The following MRNIP variants were observed in gnomAD, a reference collection of about 807,000 sequenced individuals.
MRNIP encodes MRN complex interacting protein.
A neutral mutation model predicts 29.8 loss-of-function variants in MRNIP; 30 were observed. That is an observed-to-expected ratio of 1.01 (90% confidence interval 0.75 to 1.36). The LOEUF is 1.36. Among genes scored for constraint, MRNIP ranks in the 40% most tolerant of loss-of-function variants. MRNIP has a pLI of 0.00. For missense variants in MRNIP, 459 were observed against 423.5 expected (o/e 1.08, Z -0.74); for synonymous variants, 201 against 164.1 (o/e 1.23, Z -1.72).
At position 179,858,784 on chromosome 5, in the gene MRNIP, G is replaced by C. The variant is rs765621883; in HGVS notation, c.13C>G (p.Gln5Glu). Reference sequence around the variant, plus strand: ...CAGCAGCGTAGCACCCGAGAACGCTGAAGCGACGCCATCCCTGCTTGTGCA... The same window carrying C: ...CAGCAGCGTAGCACCCGAGAACGCTCAAGCGACGCCATCCCTGCTTGTGCA... MASL[Q>E]RSRVLRCCSC... The change falls in exon 1 of 7, where the codon CAG (glutamine) becomes GAG (glutamate). Residue 5 changes from glutamine to glutamate, a missense_variant. Gln to Glu is a conservative substitution (Grantham distance 29). Transcript: ENST00000292586. 1 of 1,541,174 alleles carries C rather than the reference G, an allele frequency of 6.5e-7. No individual in the cohort carries two copies. Among genetic ancestry groups the C allele is most frequent in the Non-Finnish European group, 8.7e-7 (1 of 1,144,088 alleles).
At position 179,837,868 on chromosome 5, in the gene MRNIP, TG is replaced by T; in HGVS notation, c.554del (p.Thr185AsnfsTer4). The T allele has an allele frequency of 1.9e-6, 3 of 1,606,942 alleles. No individual in the cohort carries two copies. Among genetic ancestry groups the T allele is most frequent in the East Asian group, 2.2e-5 (1 of 44,874 alleles). On this transcript the variant is annotated frameshift_variant, in exon 7 of 7. Coordinates refer to ENST00000292586, the MANE Select transcript of MRNIP (RefSeq NM_016175.4). LOFTEE classifies it low-confidence loss of function (END_TRUNC). ...WGPQKGQAGL[T>X]WKVKQGSSPC... Reference sequence around the variant, plus strand: ...GGCTGCTGCCTTGTTTCACCTTCCATGTCAGGCCAGCCTGTCCCTGAAAGAG... The same window carrying T: ...GGCTGCTGCCTTGTTTCACCTTCCATTCAGGCCAGCCTGTCCCTGAAAGAG...
chr5:179,851,025 T>G, intron 2 of MRNIP: 1 of 350,042 alleles, frequency 2.9e-6, no homozygotes, highest in Non-Finnish European at 5.7e-6. Context: ...CTGCTGACCT[T>G]ATCATCTTCC....
rs1758854653 is a variant in MRNIP at position 179,840,935 on chromosome 5, C to T, written c.474G>A (p.Gln158=). 3.1e-6 allele frequency: 5 copies of T among 1,609,908 alleles called. No individual in the cohort carries two copies. Among genetic ancestry groups the T allele is most frequent in the South Asian group, 1.1e-5 (1 of 90,216 alleles). The change falls in exon 6 of 7, where the codon CAG becomes CAA. Residue 158 remains glutamine (Q), a synonymous_variant. Transcript: ENST00000292586. ...RKRKWSRSTV[Q]PPCSRGVQDS... ...CCTGCACGCCACGGCTGCACGGAGG[C>T]TGGACGGTGCTCCTGCTCCACTTCC...
At chr5:179,838,082 T>C in intron 6 of MRNIP, 197 bp from the exon 7 acceptor site, 2 of 598,866 alleles carry the variant, frequency 3.3e-6, no homozygotes, top group Non-Finnish European at 5.9e-6. Flanking sequence ...CCGCAAACCT[T>C]CTGCTAAATT....
At chr5:179,851,398 T>A (rs1489720537) in intron 2 of MRNIP, 1 of 455,998 alleles carries the variant, frequency 2.2e-6, no homozygotes, top group South Asian at 1.5e-5. Context: ...TTCTATGGAC[T>A]TGGAGCAGAG....
intron 1 of MRNIP, among the ~76,000 whole-genome samples, chr5:179,857,410 G>A (rs1359733189): frequency 6.6e-6 from 1 of 151,996 alleles, no homozygotes; most frequent in Non-Finnish European, 1.5e-5. Context: ...GCAGTGAGCC[G>A]AGATCACGCT....
chr5:179,855,866 CTG>C (rs1401893775), intron 1 of MRNIP, among the ~76,000 whole-genome samples: 1 of 150,328 alleles, frequency 6.7e-6, no homozygotes, highest in African/African-American at 2.5e-5. Context: ...ACCAATAAAA[CTG>C]TGGATTTTCT....
chr5:179,857,547 A>T (rs1364440821), intron 1 of MRNIP, among the ~76,000 whole-genome samples: 3 of 152,248 alleles, frequency 2.0e-5, no homozygotes, highest in East Asian at 1.9e-4. Flanking sequence ...GGAATAATTT[A>T]AAAATGCAAA....
chr5:179,858,005 C>T (rs997954328), intron 1 of MRNIP, among the ~76,000 whole-genome samples: 12 of 125,212 alleles, frequency 9.6e-5, no homozygotes, highest in East Asian at 4.7e-4. Flanking sequence ...GAGCGAAACT[C>T]CGTCTCAAAA....
Position 179,837,548 on chromosome 5 carries a change from A to G in MRNIP, c.875T>C (p.Val292Ala). 1 of 1,614,162 alleles carries G rather than the reference A, an allele frequency of 6.2e-7. No individual in the cohort carries two copies. The highest frequency in any genetic ancestry group is 8.5e-7 in the Non-Finnish European group (1 of 1,180,014). Reference sequence around the variant, plus strand: ...GCAAGGCCTCTCAGACCCAGATGTGACGGGGTGTGTGGCCCGAGGAAGCTG... The same window carrying G: ...GCAAGGCCTCTCAGACCCAGATGTGGCGGGGTGTGTGGCCCGAGGAAGCTG... The part of the protein sequence containing the change: ...AVQLPRATHP[V>A]TSGSERPCGK... Residue 292 changes from valine (V) to alanine (A), a missense_variant, in exon 7 of 7, where the codon GTC becomes GCC. Physicochemically the swap from Val to Ala is moderately conservative, Grantham distance 64. Coordinates refer to ENST00000292586, the MANE Select transcript of MRNIP (RefSeq NM_016175.4).
At chr5:179,840,787 A>G (rs1246094234) in intron 6 of MRNIP, 85 bp downstream of exon 6, 2 of 1,045,184 alleles carry the variant, frequency 1.9e-6, no homozygotes, top group East Asian at 2.6e-5. Flanking sequence ...GGAATCGCAC[A>G]CTTCGTCAAC....
chr5:179,842,661 T>C (rs1465701969), intron 4 of MRNIP, among the ~76,000 whole-genome samples: 32 of 118,930 alleles, frequency 2.7e-4, no homozygotes, highest in South Asian at 5.5e-4. Context: ...GATGGTGCCA[T>C]TACACTCCAG....
chr5:179,851,081 C>T lies in MRNIP; in HGVS notation c.126+2297G>A, dbSNP rs78310913. On this transcript the variant is annotated intron_variant, in intron 2 of 6. Transcript: ENST00000292586. ...GAGAAACGTCTATTGTATTAAGCCA[C>T]CACAATTTTGGTGTGTTTGTTACTG... The T allele has an allele frequency of 9.1e-3, 3,552 of 389,854 alleles. 130 individuals are homozygous for T. In the East Asian group the frequency reaches 0.096, roughly 11 times the overall value. 24.1% of individuals were successfully genotyped at this position (389,854 alleles called of 1,614,324 possible). A position where few individuals can be genotyped will look rare whatever the true frequency, so the allele number is the denominator to read the frequency against.
chr5:179,839,639 A>G (rs1758782962), intron 6 of MRNIP: 2 of 152,334 alleles, frequency 1.3e-5, no homozygotes, highest in African/African-American at 4.8e-5. Context: ...GCTTCTTGGC[A>G]TGAGCCAGTG....
intron 1 of MRNIP, 33 bp from the exon 2 acceptor site, chr5:179,853,470 A>G: frequency 1.3e-6 from 2 of 1,567,718 alleles, no homozygotes; most frequent in Non-Finnish European, 1.7e-6. Flanking sequence ...CAACTCAGAT[A>G]ATTATTTAAA....
chr5:179,841,508 GC>G (rs1758878116), intron 5 of MRNIP: 1 of 195,378 alleles, frequency 5.1e-6, no homozygotes. Flanking sequence ...TTAACCTAAA[GC>G]AGTCTCTCCA....
chr5:179,841,894 A>G lies in MRNIP; in HGVS notation c.449+13T>C. The stretch of plus-strand genomic sequence containing the variant: ...GCCCTGGGCCAGGGCTGGAACGGAG[A>G]CGCACTTGGTACCTTTTTCTAGGCA... On this transcript the variant is annotated intron_variant, in intron 5 of 6. Transcript: ENST00000292586. The G allele has an allele frequency of 6.2e-7, 1 of 1,612,644 alleles. No individual in the cohort carries two copies. The highest frequency in any genetic ancestry group is 8.5e-7 in the Non-Finnish European group (1 of 1,179,736).
rs1561611802 is a variant in MRNIP, at chr5:179,837,529, C to T, written c.894G>A (p.Arg298=). The part of the protein sequence containing the change: ...ATHPVTSGSE[R]PCGKTSWDAR... ...CGTCCCATGAGGTCTTCCCGCAAGG[C>T]CTCTCAGACCCAGATGTGACGGGGT... The change falls in exon 7 of 7, where the codon AGG becomes AGA. Residue 298 remains arginine, a synonymous_variant. Coordinates refer to ENST00000292586, the MANE Select transcript of MRNIP (RefSeq NM_016175.4). 4 of 1,614,230 alleles carry T rather than the reference C, an allele frequency of 2.5e-6. No individual in the cohort carries two copies. In the South Asian group the frequency reaches 3.3e-5, roughly 13 times the overall value.
chr5:179,837,336 G>T lies in MRNIP; in HGVS notation c.*55C>A. ...AGAGTATCTTTAAAAGTGCCTTAGG[G>T]GAACCCTGTCCCTCCTAACAAGTGT... On this transcript the variant is annotated 3_prime_UTR_variant, in exon 7 of 7. Transcript: ENST00000292586. 1 of 1,586,674 alleles carries T rather than the reference G, an allele frequency of 6.3e-7. No homozygotes were observed. Among genetic ancestry groups the T allele is most frequent in the African/African-American group, 1.3e-5 (1 of 74,166 alleles).
Sources: gnomAD v4.1 joint callset for allele counts (sites outside exome capture counted in the v4.1 genomes callset) on GRCh38, gnomAD v4.1.1 for gene constraint, MANE v1.5 for transcripts, NCBI Gene and HGNC (gene_info 2026-07-23, HGNC 2026-07-21) for gene names.